The following C5orf46 variants were observed in gnomAD, a reference collection of about 807,000 sequenced individuals.
C5orf46 encodes the protein uncharacterized protein C5orf46.
C5orf46 carries 9 observed loss-of-function variants against 8.9 expected under a neutral mutation model. That is an observed-to-expected ratio of 1.01 (90% CI 0.61 to 1.76). C5orf46 has a LOEUF of 1.76. Ranked by LOEUF, C5orf46 falls within the 40% of genes most tolerant of loss-of-function variation. C5orf46 has a pLI of 0.00. For synonymous variants in C5orf46, 47 were observed against 41.4 expected (o/e 1.14, Z -0.52); for missense variants, 98 against 107.8 (o/e 0.91, Z 0.40).
intron 2 of C5orf46, chr5:147,901,407 G>T (rs532869657): frequency 1.3e-5 from 5 of 375,984 alleles, no homozygotes; most frequent in South Asian, 1.5e-4. Context: ...AAAAAATCCT[G>T]TATGGAACCA....
chr5:147,886,135 T>G (rs189985345), intron 2 of C5orf46: 2 of 152,250 alleles, frequency 1.3e-5, no homozygotes, highest in Non-Finnish European at 2.9e-5. Flanking sequence ...GACAAAATTA[T>G]AGAAATAAAG....
intron 1 of C5orf46, among the ~76,000 whole-genome samples, chr5:147,906,191 A>T (rs955629585): frequency 3.9e-5 from 6 of 152,240 alleles, no homozygotes; most frequent in African/African-American, 1.4e-4. Flanking sequence ...GTGTCATTAT[A>T]TCATAAGAGC....
chr5:147,901,156 G>A (rs1440886137), intron 2 of C5orf46, among the ~76,000 whole-genome samples: 2 of 152,052 alleles, frequency 1.3e-5, no homozygotes, highest in African/African-American at 4.8e-5. Context: ...CATCACTAAC[G>A]AACATATCAC....
At chr5:147,898,071 CAAATTT>C (rs1413499690) in intron 2 of C5orf46, among the ~76,000 whole-genome samples, 2 of 151,784 alleles carry the variant, frequency 1.3e-5, no homozygotes, top group African/African-American at 4.8e-5. Context: ...GTGATATGAC[CAAATTT>C]AAATTTTTTT....
downstream of C5orf46, among the ~76,000 whole-genome samples, chr5:147,889,605 G>A (rs931653262): frequency 6.6e-6 from 1 of 152,088 alleles, no homozygotes; most frequent in Non-Finnish European, 1.5e-5. Flanking sequence ...GTTTATCTAT[G>A]TAACAAACCT....
At chr5:147,892,014 G>A (rs967028483), downstream of C5orf46, among the ~76,000 whole-genome samples, 3 of 152,148 alleles carry the variant, frequency 2.0e-5, no homozygotes, top group Non-Finnish European at 4.4e-5. Context: ...GTTTGGGAAG[G>A]ACAAAACCCA....
Position 147,901,658 on chromosome 5 carries a change from C to T in C5orf46, c.186G>A (p.Glu62=). 1.9e-6 allele frequency: 3 copies of T among 1,614,054 alleles called. No individual in the cohort carries two copies. Among genetic ancestry groups the T allele is most frequent in the Non-Finnish European group, 1.7e-6 (2 of 1,179,976 alleles). ...TCCTGGACATGGAGCGGAGGATGAA[C>T]TCGACTGCATTCTCAATGATCTCTG... The part of the protein sequence containing the change: ...LGTEIIENAV[E]FILRSMSRST... The change falls in exon 2 of 4, where the codon GAG becomes GAA. Residue 62 remains glutamate (E), a synonymous_variant. Coordinates refer to ENST00000318315, the MANE Select transcript of C5orf46 (RefSeq NM_206966.3).
At chr5:147,900,402 C>T (rs951267927) in intron 2 of C5orf46, among the ~76,000 whole-genome samples, 6 of 152,058 alleles carry the variant, frequency 3.9e-5, no homozygotes, top group African/African-American at 1.5e-4. Flanking sequence ...TCTTAATCTG[C>T]TATTGGTTAA....
chr5:147,890,129 C>T (rs1757480725), downstream of C5orf46, among the ~76,000 whole-genome samples: 1 of 152,110 alleles, frequency 6.6e-6, no homozygotes, highest in Non-Finnish European at 1.5e-5. Flanking sequence ...GTGCTGGTTC[C>T]CATGTTCCCA....
intron 2 of C5orf46, chr5:147,886,232 T>G (rs552455611): frequency 2.0e-5 from 3 of 152,218 alleles, no homozygotes; most frequent in Admixed American, 1.3e-4. Flanking sequence ...TGAGAGATCC[T>G]TATGAGGACA....
chr5:147,888,571 T>C (rs1236693621), downstream of C5orf46, among the ~76,000 whole-genome samples: 2 of 152,202 alleles, frequency 1.3e-5, no homozygotes, highest in African/African-American at 4.8e-5. Flanking sequence ...CATTGCCTTA[T>C]GAATTTTGTC....
chr5:147,888,862 C>T (rs773863435), downstream of C5orf46, among the ~76,000 whole-genome samples: 1 of 152,232 alleles, frequency 6.6e-6, no homozygotes, highest in Admixed American at 6.5e-5. Context: ...TAAGTGTATA[C>T]TTTAAATGCA....
At chr5:147,897,913 C>T (rs181003394) in intron 2 of C5orf46, among the ~76,000 whole-genome samples, 51 of 152,220 alleles carry the variant, frequency 3.4e-4, no homozygotes, top group African/African-American at 9.9e-4. Flanking sequence ...AAATGAAACT[C>T]ATTAGTCATT....
chr5:147,895,472 T>C (rs939483460), intron 3 of C5orf46, among the ~76,000 whole-genome samples: 4 of 152,152 alleles, frequency 2.6e-5, no homozygotes, highest in African/African-American at 9.7e-5. Flanking sequence ...TAAAAATTCA[T>C]AAGGAGAAAA....
chr5:147,890,104 C>G (rs1415021698), downstream of C5orf46, among the ~76,000 whole-genome samples: 2 of 152,120 alleles, frequency 1.3e-5, no homozygotes, highest in Non-Finnish European at 2.9e-5. Context: ...TCCGAGGGAG[C>G]ATGAATGGTT....
At chr5:147,893,312 C>T (rs1195746824) in intron 3 of C5orf46, among the ~76,000 whole-genome samples, 1 of 144,972 alleles carries the variant, frequency 6.9e-6, no homozygotes, top group Non-Finnish European at 1.5e-5. Context: ...GAGACAGAGT[C>T]CCTCTCTGTT....
At position 147,897,054 on chromosome 5, in the gene C5orf46, A is replaced by G. The variant is rs573599094; in HGVS notation, c.216-13T>C. 25 of 1,327,564 alleles carry G rather than the reference A, an allele frequency of 1.9e-5. 1 individual carries two copies. In the South Asian group the frequency reaches 3.0e-4, roughly 16 times the overall value. 82.2% of individuals were successfully genotyped at this position (1,327,564 alleles called of 1,614,324 possible). On this transcript the variant is annotated splice_polypyrimidine_tract_variant and intron_variant, in intron 2 of 3. Coordinates refer to ENST00000318315, the MANE Select transcript of C5orf46 (RefSeq NM_206966.3). ...TTCCATAAATCCTCTTGAGAAAAAA[A>G]GAGAAAATAAGAATTACAATTGAGA...
intron 1 of C5orf46, among the ~76,000 whole-genome samples, chr5:147,905,192 G>A (rs575380734): frequency 8.5e-4 from 129 of 152,152 alleles, no homozygotes; most frequent in African/African-American, 2.9e-3. Context: ...ACTTTGTTGA[G>A]TTTCTTAGTG....
chr5:147,898,105 G>A (rs1470293936), intron 2 of C5orf46, among the ~76,000 whole-genome samples: 2 of 152,096 alleles, frequency 1.3e-5, no homozygotes, highest in Non-Finnish European at 2.9e-5. Context: ...AGTTCTGGTA[G>A]TAGGTAGAAG....
Sources: gnomAD v4.1 joint callset for allele counts (sites outside exome capture counted in the v4.1 genomes callset) on GRCh38, gnomAD v4.1.1 for gene constraint, MANE v1.5 for transcripts, NCBI Gene and HGNC (gene_info 2026-07-23, HGNC 2026-07-21) for gene names.